The following TTC7B variants were observed in gnomAD, a reference collection of about 807,000 sequenced individuals.
The protein encoded by TTC7B is tetratricopeptide repeat protein 7B.
A neutral mutation model predicts 106.8 loss-of-function variants in TTC7B; 28 were observed. The observed-to-expected ratio is 0.26, with a 90% CI of 0.19 to 0.36. TTC7B has a LOEUF of 0.36. Ranked by LOEUF, TTC7B falls within the 10% of genes least tolerant of loss-of-function variation. The pLI is 1.00. For synonymous variants in TTC7B, 405 were observed against 430.6 expected, an observed-to-expected ratio of 0.94 and a Z score of 0.74; for missense variants, 862 against 1,076.4, an observed-to-expected ratio of 0.80 and a Z score of 2.79.
At chr14:90,569,451 G>A (rs1211286471) in intron 19 of TTC7B, among the ~76,000 whole-genome samples, 2 of 152,184 alleles carry the variant, frequency 1.3e-5, no homozygotes, top group African/African-American at 4.8e-5. Flanking sequence ...TCCACTAGCT[G>A]AGAATTCATC....
chr14:90,812,672 C>G (rs2030961834), intron 1 of TTC7B, among the ~76,000 whole-genome samples: 1 of 151,948 alleles, frequency 6.6e-6, no homozygotes, highest in South Asian at 2.1e-4. Flanking sequence ...GTGGGACTCA[C>G]CCGGGTCTGG....
At chr14:90,633,724 A>G (rs1884801948) in intron 15 of TTC7B, among the ~76,000 whole-genome samples, 1 of 152,188 alleles carries the variant, frequency 6.6e-6, no homozygotes, top group African/African-American at 2.4e-5. Context: ...TACTAAGTAA[A>G]ATGTATTAAT....
chr14:90,640,584 G>T (rs11625006), intron 15 of TTC7B, among the ~76,000 whole-genome samples: 115,847 of 152,138 alleles, frequency 0.76, 45,659 homozygotes, highest in Non-Finnish European at 0.85. Flanking sequence ...TATGATTTTA[G>T]ATATATTTAA....
intron 19 of TTC7B, among the ~76,000 whole-genome samples, chr14:90,573,534 A>AGCTCACGGTCCCTCTCCG (rs1459854679): frequency 2.5e-5 from 2 of 81,160 alleles, no homozygotes; most frequent in Non-Finnish European, 5.0e-5. Flanking sequence ...GGTCTCTCTC[A>AGCTCACGGTCCCTCTCCG]GCTCACGGTC....
chr14:90,643,565 T>TTTTG lies in TTC7B; in HGVS notation c.1751+479_1751+482dup, dbSNP rs145331178. ...TTAGGATGACCTAACAGCCTAAGTTTTTTGTTTGTTTGTTTGTTTGTTTGT... is the reference window on the plus strand; with the variant it reads ...TTAGGATGACCTAACAGCCTAAGTTTTTTGTTTGTTTGTTTGTTTGTTTGTTTGT... On this transcript the variant is annotated intron_variant, in intron 15 of 19. Coordinates refer to ENST00000328459, the MANE Select transcript of TTC7B (RefSeq NM_001010854.2). 1.5e-3 allele frequency among the ~76,000 whole-genome samples: 225 copies of TTTTG among 151,624 alleles called. 5 individuals carry two copies. The East Asian group carries it at 0.024, about 16-fold the overall frequency.
chr14:90,732,080 T>C (rs1185834968), intron 4 of TTC7B, among the ~76,000 whole-genome samples: 1 of 152,170 alleles, frequency 6.6e-6, no homozygotes, highest in Non-Finnish European at 1.5e-5. Context: ...GATATCTTTG[T>C]GGACACATGT....
At chr14:90,698,410 T>C (rs1887850159) in intron 5 of TTC7B, 1 of 152,198 alleles carries the variant, frequency 6.6e-6, no homozygotes, top group Non-Finnish European at 1.5e-5. Flanking sequence ...AAGAAGGAAC[T>C]GTTGCTTAAA....
chr14:90,640,621 A>G (rs1472844842), intron 15 of TTC7B, among the ~76,000 whole-genome samples: 13 of 152,202 alleles, frequency 8.5e-5, no homozygotes, highest in Non-Finnish European at 1.5e-4. Context: ...TTTATTCCAT[A>G]TTTAAGAACA....
At chr14:90,746,967 C>A (rs1889986441) in intron 3 of TTC7B, among the ~76,000 whole-genome samples, 1 of 152,190 alleles carries the variant, frequency 6.6e-6, no homozygotes, top group African/African-American at 2.4e-5. Context: ...CTGGCCCTTA[C>A]CAGTTCCTGG....
At chr14:90,584,935 C>T (rs1203611297) in intron 18 of TTC7B, among the ~76,000 whole-genome samples, 1 of 152,136 alleles carries the variant, frequency 6.6e-6, no homozygotes, top group Non-Finnish European at 1.5e-5. Context: ...TGATGGGTCT[C>T]CTGTCACCCT....
chr14:90,554,786 C>G (rs1890234405), intron 19 of TTC7B, among the ~76,000 whole-genome samples: 1 of 152,244 alleles, frequency 6.6e-6, no homozygotes, highest in East Asian at 1.9e-4. Flanking sequence ...AAGGCGGAAG[C>G]TCAGGGTCAG....
At chr14:90,586,652 C>A (rs1391049927) in intron 18 of TTC7B, among the ~76,000 whole-genome samples, 3 of 152,204 alleles carry the variant, frequency 2.0e-5, no homozygotes, top group Non-Finnish European at 1.5e-5. Flanking sequence ...CTTAGGCCGT[C>A]TTAGCACCTA....
At chr14:90,659,628 T>C (rs1009162954) in intron 9 of TTC7B, among the ~76,000 whole-genome samples, 1 of 151,666 alleles carries the variant, frequency 6.6e-6, no homozygotes, top group African/African-American at 2.4e-5. Context: ...AAGGGGCCAA[T>C]GGGGCCAGCG....
intron 4 of TTC7B, among the ~76,000 whole-genome samples, chr14:90,737,499 C>T (rs1404117724): frequency 6.7e-6 from 1 of 149,268 alleles, no homozygotes; most frequent in East Asian, 2.0e-4. Flanking sequence ...GAACGTGATG[C>T]TATGCCAAAG....
chr14:90,606,563 A>G (rs192830198), intron 17 of TTC7B, among the ~76,000 whole-genome samples: 83 of 152,324 alleles, frequency 5.4e-4, no homozygotes, highest in Non-Finnish European at 1.1e-3. Flanking sequence ...ACTTATTCCA[A>G]AGAAAAGACA....
chr14:90,678,512 G>A (rs1052134013), intron 8 of TTC7B, among the ~76,000 whole-genome samples: 9 of 152,276 alleles, frequency 5.9e-5, no homozygotes, highest in Non-Finnish European at 1.3e-4. Flanking sequence ...GGCTTCCAAA[G>A]GCAATTTCAT....
intron 3 of TTC7B, among the ~76,000 whole-genome samples, chr14:90,767,605 C>A (rs1890733094): frequency 6.6e-6 from 1 of 152,154 alleles, no homozygotes; most frequent in South Asian, 2.1e-4. Flanking sequence ...ATGCTAGAAC[C>A]TTCATATTGG....
chr14:90,737,462 A>G (rs893627753), intron 4 of TTC7B, among the ~76,000 whole-genome samples: 1 of 151,952 alleles, frequency 6.6e-6, no homozygotes, highest in Non-Finnish European at 1.5e-5. Flanking sequence ...AAGTACTGAT[A>G]TATGCTACTA....
At chr14:90,660,181 C>T (rs989058887) in intron 9 of TTC7B, among the ~76,000 whole-genome samples, 2 of 151,394 alleles carry the variant, frequency 1.3e-5, no homozygotes, top group Non-Finnish European at 2.9e-5. Flanking sequence ...GCCAGGAGTT[C>T]GAGACCAGCT....
Sources: allele counts gnomAD v4.1 joint callset (sites outside exome capture counted in the v4.1 genomes callset), GRCh38; gene constraint gnomAD v4.1.1; transcripts MANE v1.5; gene names NCBI Gene and HGNC (gene_info 2026-07-23, HGNC 2026-07-21).